C8orf89: variants seen among roughly 807,000 people sequenced by gnomAD.
The protein encoded by C8orf89 is chromosome 8 open reading frame 89, also known as putative uncharacterized protein C8orf89.
Under a neutral mutation model 15.8 loss-of-function variants are expected in C8orf89, and 14 were observed. That is an observed-to-expected ratio of 0.89 (90% confidence interval 0.59 to 1.39). The LOEUF (loss-of-function observed/expected upper bound fraction) is 1.39, where lower values mean the gene tolerates loss of function less well. C8orf89 is among the 40% of genes most tolerant of loss of function. The pLI is 0.00. For missense variants in C8orf89, 181 were observed against 184.5 expected (o/e 0.98, Z 0.11); for synonymous variants, 55 against 62.2 (o/e 0.88, Z 0.54).
the C8orf89 span, among the ~76,000 whole-genome samples, chr8:73,270,637 G>A: frequency 2.6e-5 from 4 of 152,198 alleles, no homozygotes; most frequent in Non-Finnish European, 5.9e-5. Flanking sequence ...CAGACGTGGT[G>A]GCTTACACCT....
the C8orf89 span, among the ~76,000 whole-genome samples, chr8:73,283,316 AAGTC>A: frequency 6.6e-6 from 1 of 152,188 alleles, no homozygotes; most frequent in Admixed American, 6.5e-5. Flanking sequence ...TTTAATCCTT[AAGTC>A]ACCCAATGAA....
At chr8:73,256,339 A>C (rs766568906) in intron 2 of C8orf89, among the ~76,000 whole-genome samples, 18 of 151,730 alleles carry the variant, frequency 1.2e-4, no homozygotes, top group Non-Finnish European at 2.5e-4. Flanking sequence ...AAACTTTTTA[A>C]TATTGCAGAG....
chr8:73,276,805 ATTTTTTT>A, the C8orf89 span, among the ~76,000 whole-genome samples: 13 of 87,640 alleles, frequency 1.5e-4, no homozygotes, highest in African/African-American at 3.8e-4. Flanking sequence ...CACAGCAGTC[ATTTTTTT>A]TTTTTTTTTT....
chr8:73,282,378 CA>C, the C8orf89 span, among the ~76,000 whole-genome samples: 18 of 151,866 alleles, frequency 1.2e-4, no homozygotes, highest in Admixed American at 2.0e-4. Flanking sequence ...GGGGGAGATT[CA>C]AAAAAGACTT....
At chr8:73,243,877 T>TA (rs1037728601) in intron 3 of C8orf89, among the ~76,000 whole-genome samples, 8 of 152,160 alleles carry the variant, frequency 5.3e-5, no homozygotes, top group African/African-American at 1.7e-4. Flanking sequence ...AATATTTATC[T>TA]AAAAAACCTT....
the C8orf89 span, among the ~76,000 whole-genome samples, chr8:73,267,691 T>C: frequency 0.014 from 2,156 of 152,344 alleles, 166 homozygotes; most frequent in Admixed American, 0.12. Flanking sequence ...TTAGGCTATA[T>C]AGTATCTAGT....
chr8:73,247,490 T>C (rs1486619574), intron 3 of C8orf89, among the ~76,000 whole-genome samples: 1 of 152,232 alleles, frequency 6.6e-6, no homozygotes, highest in Non-Finnish European at 1.5e-5. Context: ...ATGGCATTTC[T>C]GTTTTTAGGT....
At chr8:73,245,961 A>G (rs1164554201) in intron 3 of C8orf89, among the ~76,000 whole-genome samples, 1 of 152,166 alleles carries the variant, frequency 6.6e-6, no homozygotes, top group Non-Finnish European at 1.5e-5. Context: ...ATAGTCCCCA[A>G]TTCATTCCAC....
chr8:73,275,693 T>C, the C8orf89 span, among the ~76,000 whole-genome samples: 3 of 152,238 alleles, frequency 2.0e-5, no homozygotes, highest in Admixed American at 1.3e-4. Flanking sequence ...TTTTGTTTTA[T>C]TCTTATTTGT....
chr8:73,245,180 A>G (rs957561505), intron 3 of C8orf89, among the ~76,000 whole-genome samples: 2 of 152,242 alleles, frequency 1.3e-5, no homozygotes, highest in African/African-American at 4.8e-5. Flanking sequence ...CCATGATTCA[A>G]TCATCTCCCA....
At chr8:73,285,243 C>T in the C8orf89 span, among the ~76,000 whole-genome samples, 1 of 152,152 alleles carries the variant, frequency 6.6e-6, no homozygotes, top group African/African-American at 2.4e-5. Flanking sequence ...GAGGGTCAAT[C>T]TGTAAGGGTG....
At chr8:73,253,998 C>T (rs1044440006) in intron 2 of C8orf89, among the ~76,000 whole-genome samples, 5 of 152,022 alleles carry the variant, frequency 3.3e-5, no homozygotes, top group Admixed American at 1.3e-4. Context: ...AGAGGGCATC[C>T]CTGTCTTGGG....
At chr8:73,280,958 A>AT in the C8orf89 span, among the ~76,000 whole-genome samples, 4 of 152,176 alleles carry the variant, frequency 2.6e-5, no homozygotes, top group Non-Finnish European at 4.4e-5. Context: ...AATGGCAGGG[A>AT]TTTTTTTCTT....
intron 1 of C8orf89, 77 bp downstream of exon 1, chr8:73,259,255 C>T: frequency 1.1e-6 from 1 of 942,566 alleles, no homozygotes; most frequent in Non-Finnish European, 1.5e-6. Context: ...ATGTCCCTTG[C>T]CTGATGAAAA....
At chr8:73,272,134 C>A in the C8orf89 span, among the ~76,000 whole-genome samples, 1 of 152,206 alleles carries the variant, frequency 6.6e-6, no homozygotes, top group African/African-American at 2.4e-5. Context: ...CAGGGTGAAA[C>A]TACAAACTTA....
the C8orf89 span, among the ~76,000 whole-genome samples, chr8:73,271,673 C>A: frequency 1.3e-5 from 2 of 152,178 alleles, no homozygotes; most frequent in African/African-American, 4.8e-5. Context: ...ACTAAGACAG[C>A]ACCTAACTAA....
chr8:73,275,231 C>CTTTTTTTTTTTTT, the C8orf89 span, among the ~76,000 whole-genome samples: 9 of 84,744 alleles, frequency 1.1e-4, no homozygotes, highest in Middle Eastern at 9.6e-3. Flanking sequence ...TGTAATAGTT[C>CTTTTTTTTTTTTT]TTTTTTTTTT....
the C8orf89 span, among the ~76,000 whole-genome samples, chr8:73,268,205 C>T: frequency 1.1e-4 from 16 of 152,102 alleles, no homozygotes; most frequent in African/African-American, 3.1e-4. Flanking sequence ...GCAGGCTGGG[C>T]GCGGTGCCTC....
chr8:73,255,605 CTGGG>C (rs1813355969), intron 2 of C8orf89, among the ~76,000 whole-genome samples: 2 of 150,380 alleles, frequency 1.3e-5, no homozygotes, highest in South Asian at 4.2e-4. Context: ...CATCCCATTA[CTGGG>C]TATATACCCA....
Sources: allele counts gnomAD v4.1 joint callset (sites outside exome capture counted in the v4.1 genomes callset), GRCh38; gene constraint gnomAD v4.1.1; transcripts MANE v1.5; gene names NCBI Gene and HGNC (gene_info 2026-07-23, HGNC 2026-07-21).